Variants in ANXA4 observed in about 807,000 individuals in gnomAD.
ANXA4 encodes the protein 35-beta calcimedin.
In ANXA4, 39 loss-of-function variants were observed where a neutral mutation model predicts 49.8. That is an observed-to-expected ratio of 0.78 (90% CI 0.61 to 1.02). The LOEUF (loss-of-function observed/expected upper bound fraction) is 1.02, where lower values mean the gene tolerates loss of function less well. Among genes scored for constraint, ANXA4 ranks in the 50% least tolerant of loss-of-function variants. The probability of loss-of-function intolerance (pLI) is 0.00; values close to 1 mark genes in which losing one functional copy is unlikely to be tolerated. For synonymous variants in ANXA4, 134 were observed against 152.5 expected, an observed-to-expected ratio of 0.88 and a Z score of 0.89; for missense variants, 360 against 410.1, an observed-to-expected ratio of 0.88 and a Z score of 1.05.
chr2:69,706,677 G>A (rs934377274), intron 2 of ANXA4, among the ~76,000 whole-genome samples: 19 of 151,938 alleles, frequency 1.3e-4, no homozygotes, highest in African/African-American at 4.4e-4. Flanking sequence ...TGTTATTGCT[G>A]GTATAGAACA....
At chr2:69,794,505 A>AT (rs879500935) in intron 3 of ANXA4, among the ~76,000 whole-genome samples, 1 of 84,558 alleles carries the variant, frequency 1.2e-5, no homozygotes, top group Admixed American at 1.0e-4. Context: ...ATGTTATGTT[A>AT]TATTATGTTA....
intron 3 of ANXA4, among the ~76,000 whole-genome samples, chr2:69,802,914 C>T (rs554572336): frequency 1.4e-3 from 217 of 151,320 alleles, no homozygotes; most frequent in Non-Finnish European, 1.9e-3. Context: ...AATAGGAACA[C>T]GGCTGGGCAT....
At position 69,825,498 on chromosome 2, in the gene ANXA4, T is replaced by C. The variant is rs761339655; in HGVS notation, c.949T>C (p.Cys317Arg). ...CTACAGGAAAGTACTGCTTGTTCTC[T>C]GTGGAGGAGATGATTAAAATAAAAA... ...GDYRKVLLVL[C>R]GGDD Residue 317 changes from cysteine (C) to arginine (R), a missense_variant, in exon 13 of 13, where the codon TGT becomes CGT. Transcript: ENST00000394295. 17 of 1,608,698 alleles carry C rather than the reference T, an allele frequency of 1.1e-5. No homozygotes were observed. The East Asian group carries it at 3.8e-4, about 36-fold the overall frequency.
At chr2:69,778,915 T>C (rs1184247727) in intron 1 of ANXA4, among the ~76,000 whole-genome samples, 1 of 151,178 alleles carries the variant, frequency 6.6e-6, no homozygotes, top group Non-Finnish European at 1.5e-5. Context: ...CTGGCCAATA[T>C]GGTGAAATCC....
chr2:69,788,699 G>A (rs11695691), intron 3 of ANXA4, among the ~76,000 whole-genome samples: 36,905 of 151,364 alleles, frequency 0.24, 5,125 homozygotes, highest in African/African-American at 0.38. Context: ...TTAGCTGGGC[G>A]TGGTGGCGGG....
At chr2:69,694,750 T>C (rs919396462) in intron 2 of ANXA4, among the ~76,000 whole-genome samples, 6 of 152,120 alleles carry the variant, frequency 3.9e-5, no homozygotes, top group African/African-American at 1.4e-4. Context: ...CCAGTCATTC[T>C]GGGTAAACTT....
At chr2:69,814,043 C>A (rs1432813754) in intron 8 of ANXA4, among the ~76,000 whole-genome samples, 3 of 152,086 alleles carry the variant, frequency 2.0e-5, no homozygotes, top group Non-Finnish European at 4.4e-5. Context: ...CAGGCATGAG[C>A]CACCGCGCCT....
intron 1 of ANXA4, among the ~76,000 whole-genome samples, chr2:69,645,907 G>C (rs1458209943): frequency 6.6e-6 from 1 of 152,120 alleles, no homozygotes; most frequent in Non-Finnish European, 1.5e-5. Flanking sequence ...GGTAAGTAAA[G>C]CAAAGAGATT....
At chr2:69,746,110 C>A (rs1670601290) in intron 1 of ANXA4, among the ~76,000 whole-genome samples, 1 of 152,138 alleles carries the variant, frequency 6.6e-6, no homozygotes, top group South Asian at 2.1e-4. Context: ...CTCCCAGGTT[C>A]AAGTGATTCT....
At chr2:69,663,705 G>T (rs1676825024) in intron 2 of ANXA4, among the ~76,000 whole-genome samples, 1 of 151,926 alleles carries the variant, frequency 6.6e-6, no homozygotes, top group African/African-American at 2.4e-5. Flanking sequence ...AACACTCAGA[G>T]AACCAAATGG....
chr2:69,696,231 C>G (rs1274182544), intron 2 of ANXA4, among the ~76,000 whole-genome samples: 5 of 152,184 alleles, frequency 3.3e-5, no homozygotes, highest in African/African-American at 9.7e-5. Flanking sequence ...CATTCTCAAT[C>G]GTTTCTTGTC....
At chr2:69,672,646 C>T (rs1677233645) in intron 2 of ANXA4, among the ~76,000 whole-genome samples, 1 of 151,946 alleles carries the variant, frequency 6.6e-6, no homozygotes, top group South Asian at 2.1e-4. Flanking sequence ...TTGTGGATAC[C>T]TACATGTGTA....
intron 2 of ANXA4, among the ~76,000 whole-genome samples, chr2:69,689,629 A>G (rs530072015): frequency 6.6e-6 from 1 of 152,336 alleles, no homozygotes; most frequent in South Asian, 2.1e-4. Context: ...TTTATGGCGT[A>G]TCATAATAAT....
intron 2 of ANXA4, among the ~76,000 whole-genome samples, chr2:69,680,774 T>C (rs574305796): frequency 6.6e-6 from 1 of 152,338 alleles, no homozygotes; most frequent in South Asian, 2.1e-4. Flanking sequence ...ATAGTTTTTG[T>C]CCTTCATTCT....
At chr2:69,693,641 G>C (rs749965653) in intron 2 of ANXA4, among the ~76,000 whole-genome samples, 1 of 152,184 alleles carries the variant, frequency 6.6e-6, no homozygotes, top group Non-Finnish European at 1.5e-5. Context: ...AGTGTCTGTG[G>C]GGACAGGAGA....
At position 69,786,272 on chromosome 2, in the gene ANXA4, A is replaced by T. The variant is rs1467757729; in HGVS notation, c.10-1782A>T. Among the ~76,000 whole-genome samples, 8 of 152,172 alleles carry T rather than the reference A, an allele frequency of 5.3e-5. No homozygotes were observed. In the South Asian group the frequency reaches 6.2e-4, roughly 12 times the overall value. On this transcript the variant is annotated intron_variant, in intron 2 of 12. Coordinates refer to ENST00000394295, the MANE Select transcript of ANXA4 (RefSeq NM_001153.5). The stretch of plus-strand genomic sequence containing the variant: ...TCCTCACCTCCCACGTCAGTCCATC[A>T]GCAAGTTCTGTCGCCTTTGCTCCAA...
At chr2:69,744,299 C>T (rs566718049) in intron 1 of ANXA4, among the ~76,000 whole-genome samples, 1 of 151,966 alleles carries the variant, frequency 6.6e-6, no homozygotes, top group African/African-American at 2.4e-5. Flanking sequence ...AGAGTGAGGC[C>T]CTGTCTGAAA....
At chr2:69,699,078 T>C (rs958407333) in intron 2 of ANXA4, among the ~76,000 whole-genome samples, 1 of 151,978 alleles carries the variant, frequency 6.6e-6, no homozygotes, top group Non-Finnish European at 1.5e-5. Flanking sequence ...ATATGAATCA[T>C]GGGTAAAGAG....
At chr2:69,720,963 A>G (rs556826806) in intron 3 of ANXA4, 2 of 152,404 alleles carry the variant, frequency 1.3e-5, no homozygotes, top group South Asian at 2.1e-4. Context: ...GATTCTCACC[A>G]AAGTGTTGGC....
Sources: allele counts gnomAD v4.1 joint callset (sites outside exome capture counted in the v4.1 genomes callset), GRCh38; gene constraint gnomAD v4.1.1; transcripts MANE v1.5; gene names NCBI Gene and HGNC (gene_info 2026-07-23, HGNC 2026-07-21).